The following PCDHGB2 variants were observed in gnomAD, a reference collection of about 807,000 sequenced individuals.
The protein encoded by PCDHGB2 is protocadherin gamma subfamily B, 2.
In PCDHGB2, 55 loss-of-function variants were observed where a neutral mutation model predicts 59.3. The observed-to-expected ratio is 0.93, with a 90% confidence interval of 0.75 to 1.16. The LOEUF is 1.16. PCDHGB2 is among the 50% of genes most tolerant of loss of function. The probability of loss-of-function intolerance (pLI) is 0.00; values close to 1 mark genes in which losing one functional copy is unlikely to be tolerated. For synonymous variants in PCDHGB2, 516 were observed against 512.0 expected (o/e 1.01, Z -0.11); for missense variants, 1,228 against 1,198.5 (o/e 1.02, Z -0.36).
chr5:141,423,201 C>G, intron 1 of PCDHGB2: 1 of 1,613,628 alleles, frequency 6.2e-7, no homozygotes, highest in Non-Finnish European at 8.5e-7. Context: ...TCTCGGCCAC[C>G]GTCACGCTCA....
intron 1 of PCDHGB2, chr5:141,412,044 A>T (rs1403784619): frequency 6.6e-6 from 1 of 152,194 alleles, no homozygotes; most frequent in East Asian, 1.9e-4. Context: ...AAAGAAGTGA[A>T]CTTCTATACC....
At chr5:141,509,625 G>T (rs915049847) in intron 3 of PCDHGB2, among the ~76,000 whole-genome samples, 1 of 152,186 alleles carries the variant, frequency 6.6e-6, no homozygotes, top group Non-Finnish European at 1.5e-5. Flanking sequence ...AAGTTCCTGG[G>T]TGATGCTGAG....
intron 1 of PCDHGB2, among the ~76,000 whole-genome samples, chr5:141,381,744 G>A (rs1175308296): frequency 3.3e-5 from 5 of 151,430 alleles, no homozygotes; most frequent in Non-Finnish European, 5.9e-5. Flanking sequence ...TTTGGATTCC[G>A]ACATTGTTCT....
intron 1 of PCDHGB2, chr5:141,371,624 G>A (rs1429175978): frequency 6.2e-7 from 1 of 1,613,994 alleles, no homozygotes. Context: ...ATGGAGCCCT[G>A]GACCGGGAGC....
chr5:141,371,694 T>A lies in PCDHGB2; in HGVS notation c.2421+9138T>A, dbSNP rs1409788183. 6.8e-6 allele frequency: 11 copies of A among 1,613,912 alleles called. No homozygotes were observed. The Admixed American group carries it at 1.7e-4, about 24-fold the overall frequency. ...CGACAAAGGCAATCCACCGCTCTCC[T>A]CCAGCAAGACCATCACTCTGCACAT... On this transcript the variant is annotated intron_variant, in intron 1 of 3. Coordinates refer to ENST00000522605, the MANE Select transcript of PCDHGB2 (RefSeq NM_018923.3).
intron 1 of PCDHGB2, among the ~76,000 whole-genome samples, chr5:141,460,407 TTG>T: frequency 6.6e-6 from 1 of 152,188 alleles, no homozygotes; most frequent in Non-Finnish European, 1.5e-5. Flanking sequence ...TCCTTTTGAG[TTG>T]ATGTTTATGT....
At chr5:141,407,812 T>C (rs1191426791) in intron 1 of PCDHGB2, among the ~76,000 whole-genome samples, 1 of 152,226 alleles carries the variant, frequency 6.6e-6, no homozygotes, top group Non-Finnish European at 1.5e-5. Context: ...AAATATCTAC[T>C]ATAATATTAT....
chr5:141,395,136 T>A, intron 1 of PCDHGB2: 1 of 1,614,202 alleles, frequency 6.2e-7, no homozygotes, highest in Non-Finnish European at 8.5e-7. Context: ...CCAGCCCAAC[T>A]ACGCAGACAT....
chr5:141,408,673 C>T (rs1397679515), intron 1 of PCDHGB2: 3 of 1,613,854 alleles, frequency 1.9e-6, no homozygotes, highest in Non-Finnish European at 2.5e-6. Flanking sequence ...TTGACCCTGC[C>T]ACGGATCCTG....
rs1427742903 is a variant in PCDHGB2 at position 141,477,916 on chromosome 5, A to G, written c.2422-16891A>G. On this transcript the variant is annotated intron_variant, in intron 1 of 3. Coordinates refer to ENST00000522605, the MANE Select transcript of PCDHGB2 (RefSeq NM_018923.3). This position sits in a 1 kb window ranked among gnomAD's most constrained non-coding sequence, Gnocchi z 4.9. ...GGGTGGTAGGCTGGGACGCGGATGC[A>G]GGGCACAATGCCTGGCTCTCCTACA... The G allele has an allele frequency of 1.2e-6, 2 of 1,614,042 alleles. No homozygotes were observed. The highest frequency in any genetic ancestry group is 2.7e-5 in the African/African-American group (2 of 74,932).
At chr5:141,382,844 C>G (rs749994518) in intron 1 of PCDHGB2, 3 of 1,475,612 alleles carry the variant, frequency 2.0e-6, no homozygotes, top group Non-Finnish European at 2.7e-6. Flanking sequence ...CCGGATACAC[C>G]CGCATTCTGA....
chr5:141,372,577 A>C (rs550513861), intron 1 of PCDHGB2: 1 of 1,614,006 alleles, frequency 6.2e-7, no homozygotes, highest in African/African-American at 1.3e-5. Context: ...GGCTACTTTC[A>C]GCCTGGTGTC....
chr5:141,382,683 G>C, intron 1 of PCDHGB2: 1 of 444,266 alleles, frequency 2.3e-6, no homozygotes, highest in Non-Finnish European at 4.0e-6. Flanking sequence ...ACCAACCAGG[G>C]AAAAATGGTG....
intron 1 of PCDHGB2, among the ~76,000 whole-genome samples, chr5:141,456,918 G>A (rs535602842): frequency 6.6e-6 from 1 of 152,006 alleles, no homozygotes; most frequent in African/African-American, 2.4e-5. Context: ...AGCCGAGATC[G>A]CACCACTGCA....
At chr5:141,366,301 C>G (rs769756883) in intron 1 of PCDHGB2, 1 of 1,613,784 alleles carries the variant, frequency 6.2e-7, no homozygotes, top group Non-Finnish European at 8.5e-7. Flanking sequence ...TGTCAGCCAC[C>G]TTCACGGTCA....
At chr5:141,415,397 G>T (rs1168654728) in intron 1 of PCDHGB2, 1 of 1,614,124 alleles carries the variant, frequency 6.2e-7, no homozygotes, top group African/African-American at 1.3e-5. Context: ...GGTGTGTCCG[G>T]CTCGCACTTT....
Position 141,496,029 on chromosome 5 carries a change from C to T in PCDHGB2, c.2480+1164C>T, listed in dbSNP as rs548231443. ...TTGTCTTTTTTCTCTGAGCCTCTGTCTCTGTCTCTCATTTTTTTGTGCTTG... is the reference window on the plus strand; with the variant it reads ...TTGTCTTTTTTCTCTGAGCCTCTGTTTCTGTCTCTCATTTTTTTGTGCTTG... On this transcript the variant is annotated intron_variant, in intron 2 of 3. Coordinates refer to ENST00000522605, the MANE Select transcript of PCDHGB2 (RefSeq NM_018923.3). Among the ~76,000 whole-genome samples, 3 of 152,088 alleles carry T rather than the reference C, an allele frequency of 2.0e-5. No individual in the cohort carries two copies. In the East Asian group the frequency reaches 5.8e-4, roughly 29 times the overall value.
At chr5:141,425,957 C>A (rs1317696447) in intron 1 of PCDHGB2, among the ~76,000 whole-genome samples, 1 of 152,140 alleles carries the variant, frequency 6.6e-6, no homozygotes, top group Non-Finnish European at 1.5e-5. Context: ...TACATTAGTC[C>A]AACACATCAG....
chr5:141,410,115 C>T, intron 1 of PCDHGB2: 1 of 1,612,624 alleles, frequency 6.2e-7, no homozygotes. Context: ...AGGGACGCAG[C>T]CCGCCAGCGC....
Sources: allele counts gnomAD v4.1 joint callset (sites outside exome capture counted in the v4.1 genomes callset), GRCh38; gene constraint gnomAD v4.1.1; non-coding constraint Gnocchi (gnomAD v3.1); transcripts MANE v1.5; gene names NCBI Gene and HGNC (gene_info 2026-07-23, HGNC 2026-07-21).